Variants in SPOCK3 observed in about 807,000 individuals in gnomAD.
The protein encoded by SPOCK3 is testican-3.
A neutral mutation model predicts 56.6 loss-of-function variants in SPOCK3; 30 were observed. That is an observed-to-expected ratio of 0.53 (90% CI 0.40 to 0.72). SPOCK3 has a LOEUF of 0.72. SPOCK3 is among the 30% of genes least tolerant of loss of function. The pLI, the probability that SPOCK3 is intolerant of heterozygous loss-of-function variation, is 0.00. For synonymous variants in SPOCK3, 196 were observed against 183.3 expected (o/e 1.07, Z -0.56); for missense variants, 527 against 530.0 (o/e 0.99, Z 0.06).
At chr4:166,856,681 G>A (rs1447227761) in intron 6 of SPOCK3, among the ~76,000 whole-genome samples, 1 of 152,062 alleles carries the variant, frequency 6.6e-6, no homozygotes, top group African/African-American at 2.4e-5. Context: ...GGCTGAGGCA[G>A]GAGAATTGCT....
chr4:167,206,788 T>C (rs61351882), intron 2 of SPOCK3, among the ~76,000 whole-genome samples: 4,674 of 152,086 alleles, frequency 0.031, 242 homozygotes, highest in African/African-American at 0.11. Context: ...GAAAAACTTA[T>C]GTTGCTGAAA....
intron 2 of SPOCK3, among the ~76,000 whole-genome samples, chr4:167,214,929 C>T (rs1289225881): frequency 1.3e-5 from 2 of 151,702 alleles, no homozygotes; most frequent in East Asian, 1.9e-4. Context: ...AGAGCAAAAA[C>T]ATGTTGCATA....
intron 6 of SPOCK3, among the ~76,000 whole-genome samples, chr4:166,861,330 C>G (rs569574648): frequency 2.6e-4 from 40 of 152,220 alleles, no homozygotes; most frequent in African/African-American, 8.7e-4. Flanking sequence ...ATCTCTCTCT[C>G]TCTCTTTTTT....
At chr4:166,827,643 A>T (rs146895999) in intron 6 of SPOCK3, among the ~76,000 whole-genome samples, 220 of 152,192 alleles carry the variant, frequency 1.4e-3, no homozygotes, top group African/African-American at 5.2e-3. Flanking sequence ...GCATCATTTT[A>T]AGTGAGAAAA....
intron 5 of SPOCK3, among the ~76,000 whole-genome samples, chr4:166,904,238 T>C (rs912100866): frequency 2.0e-5 from 3 of 151,972 alleles, no homozygotes; most frequent in Non-Finnish European, 4.4e-5. Flanking sequence ...AATATTAGTG[T>C]ATGTTAGTGT....
chr4:167,019,990 C>G (rs1344253800), intron 3 of SPOCK3, among the ~76,000 whole-genome samples: 2 of 152,096 alleles, frequency 1.3e-5, no homozygotes, highest in African/African-American at 4.8e-5. Context: ...CTATGAGTGA[C>G]TGGAGCACAA....
intron 3 of SPOCK3, among the ~76,000 whole-genome samples, chr4:167,032,304 G>C (rs559558300): frequency 2.6e-5 from 4 of 151,906 alleles, no homozygotes; most frequent in Admixed American, 2.0e-4. Context: ...TAAAGATGTT[G>C]TCAGCTAGAG....
intron 2 of SPOCK3, among the ~76,000 whole-genome samples, chr4:167,093,484 T>C (rs1758886871): frequency 6.6e-6 from 1 of 152,080 alleles, no homozygotes; most frequent in Non-Finnish European, 1.5e-5. Context: ...GATGTTCCCA[T>C]CCCTGTGTTC....
At chr4:167,007,568 T>C (rs1426234123) in intron 3 of SPOCK3, among the ~76,000 whole-genome samples, 1 of 152,148 alleles carries the variant, frequency 6.6e-6, no homozygotes, top group African/African-American at 2.4e-5. Flanking sequence ...GCACTCTCCA[T>C]AAAACCTTAA....
chr4:167,105,180 A>G (rs1046787240), intron 2 of SPOCK3, among the ~76,000 whole-genome samples: 2 of 151,960 alleles, frequency 1.3e-5, no homozygotes, highest in African/African-American at 4.8e-5. Context: ...GTAAACTAAT[A>G]TTATCTTAAG....
chr4:166,983,706 T>A (rs2558127), intron 4 of SPOCK3, among the ~76,000 whole-genome samples: 1 of 151,816 alleles, frequency 6.6e-6, no homozygotes, highest in East Asian at 1.9e-4. Context: ...AATAATGTCT[T>A]AATTAAATAT....
intron 2 of SPOCK3, among the ~76,000 whole-genome samples, chr4:167,176,009 C>T (rs1339663935): frequency 6.6e-6 from 1 of 152,114 alleles, no homozygotes; most frequent in Non-Finnish European, 1.5e-5. Context: ...AAGGTGTAAT[C>T]AGGGCTGCAT....
At chr4:166,776,879 A>G (rs1302584009) in intron 7 of SPOCK3, among the ~76,000 whole-genome samples, 1 of 152,232 alleles carries the variant, frequency 6.6e-6, no homozygotes, top group Non-Finnish European at 1.5e-5. Flanking sequence ...AAAATTATCA[A>G]GGAAATAAAC....
chr4:167,151,334 G>C (rs1228509783), intron 2 of SPOCK3, among the ~76,000 whole-genome samples: 1 of 152,170 alleles, frequency 6.6e-6, no homozygotes, highest in Non-Finnish European at 1.5e-5. Flanking sequence ...AAAGACAGAG[G>C]GTGCGGCAGC....
intron 3 of SPOCK3, among the ~76,000 whole-genome samples, chr4:167,041,802 G>C (rs890882166): frequency 1.3e-5 from 2 of 151,750 alleles, no homozygotes; most frequent in African/African-American, 4.8e-5. Flanking sequence ...TGATGGACAT[G>C]GTATTTACTC....
chr4:167,094,199 T>C (rs924159829), intron 2 of SPOCK3, among the ~76,000 whole-genome samples: 2 of 151,986 alleles, frequency 1.3e-5, no homozygotes, highest in East Asian at 1.9e-4. Flanking sequence ...TTCAGAAAAA[T>C]TATAAGAAGA....
At chr4:166,886,868 C>T (rs1456581501) in intron 6 of SPOCK3, among the ~76,000 whole-genome samples, 2 of 152,110 alleles carry the variant, frequency 1.3e-5, no homozygotes, top group Non-Finnish European at 2.9e-5. Context: ...TTTCCCCTGT[C>T]TCTCAGCCTT....
chr4:166,793,042 A>G (rs1369875285), intron 6 of SPOCK3, among the ~76,000 whole-genome samples: 1 of 152,156 alleles, frequency 6.6e-6, no homozygotes, highest in Non-Finnish European at 1.5e-5. Flanking sequence ...TATAGCATTC[A>G]AATTTAGTAA....
chr4:167,221,037 C>T (rs1350398275), intron 2 of SPOCK3, among the ~76,000 whole-genome samples: 2 of 151,904 alleles, frequency 1.3e-5, no homozygotes, highest in Admixed American at 6.6e-5. Flanking sequence ...TCAATGTGAC[C>T]GTTTAAAAGG....
Sources: allele counts gnomAD v4.1 joint callset (sites outside exome capture counted in the v4.1 genomes callset), GRCh38; gene constraint gnomAD v4.1.1; transcripts MANE v1.5; gene names NCBI Gene and HGNC (gene_info 2026-07-23, HGNC 2026-07-21).